NEK5: variants seen among roughly 807,000 people sequenced by gnomAD.
NEK5 encodes serine/threonine-protein kinase Nek5.
NEK5 carries 88 observed loss-of-function variants against 109.2 expected under a neutral mutation model. The ratio of observed to expected loss-of-function variants is 0.81; its 90% CI spans 0.68 to 0.96. The LOEUF is 0.96. Among genes scored for constraint, NEK5 ranks in the 40% least tolerant of loss-of-function variants. The pLI is 0.00. For synonymous variants in NEK5, 283 were observed against 299.9 expected (o/e 0.94, Z 0.58); for missense variants, 834 against 920.7 (o/e 0.91, Z 1.22).
In NEK5 at chr13:52,086,293, ATCT is replaced by A; in HGVS notation, c.1460_1462del (p.Lys487del). ...TGAATTTACCTCTGGTTCTCTCCCC[ATCT>A]TCTTTCTAATTTCTTTCATGTCATT... is the stretch of plus-strand genomic sequence containing the variant. On this transcript the variant is annotated inframe_deletion, in exon 16 of 24. Coordinates refer to ENST00000684899, the MANE Select transcript of NEK5 (RefSeq NM_001365552.1). The A allele has an allele frequency of 6.2e-7, 1 of 1,603,258 alleles. No homozygotes were observed. The highest frequency in any genetic ancestry group is 1.1e-5 in the South Asian group (1 of 90,864).
intron 9 of NEK5, among the ~76,000 whole-genome samples, chr13:52,103,943 C>G (rs1469963526): frequency 1.3e-5 from 2 of 152,102 alleles, no homozygotes; most frequent in Non-Finnish European, 2.9e-5. Flanking sequence ...CTGAACGTAT[C>G]TATTCATACA....
intron 7 of NEK5, among the ~76,000 whole-genome samples, chr13:52,109,626 C>T (rs1315958806): frequency 2.0e-5 from 3 of 152,116 alleles, no homozygotes; most frequent in Non-Finnish European, 2.9e-5. Context: ...GAAATATTTA[C>T]AATCTATTCT....
At chr13:52,040,924 T>G (rs1159657243) in intron 23 of NEK5, among the ~76,000 whole-genome samples, 4 of 152,202 alleles carry the variant, frequency 2.6e-5, no homozygotes, top group African/African-American at 9.7e-5. Context: ...GGAGAATTTT[T>G]CTTCCAGAGA....
intron 13 of NEK5, among the ~76,000 whole-genome samples, chr13:52,089,867 G>A (rs763817691): frequency 1.3e-5 from 2 of 151,906 alleles, no homozygotes; most frequent in Non-Finnish European, 2.9e-5. Flanking sequence ...TGTAATCCCA[G>A]CTACTGGGGA....
chr13:52,033,622 A>AAAC lies in NEK5; in HGVS notation c.*3323_*3325dup. 6.0e-6 allele frequency: 1 copy of AAAC among 165,790 alleles called. No homozygotes were observed. The highest frequency in any genetic ancestry group is 1.9e-4 in the East Asian group (1 of 5,200). The allele number at this position is 165,790 out of a possible 1,614,324, so 10.3% of individuals were successfully genotyped here. A position where few individuals can be genotyped will look rare whatever the true frequency, so the allele number is the denominator to read the frequency against. On this transcript the variant is annotated 3_prime_UTR_variant, in exon 24 of 24. Transcript: ENST00000684899. ...TTAAGAAGAGGCTGTCAGGTTTAATAAACTTTTTAATGAATATTTCAGACA... is the reference window on the plus strand; with the variant it reads ...TTAAGAAGAGGCTGTCAGGTTTAATAAACAACTTTTTAATGAATATTTCAGACA...
intron 3 of NEK5, among the ~76,000 whole-genome samples, chr13:52,121,874 A>C (rs1955976749): frequency 6.6e-6 from 1 of 152,132 alleles, no homozygotes; most frequent in South Asian, 2.1e-4. Context: ...AAACCAACCA[A>C]ACAATGTAAT....
intron 17 of NEK5, chr13:52,082,207 C>T (rs1016230158): frequency 6.7e-6 from 2 of 298,544 alleles, no homozygotes; most frequent in Non-Finnish European, 1.2e-5. Flanking sequence ...TCCAGCTACT[C>T]AGGAGGCTGA....
chr13:52,112,220 C>T, intron 5 of NEK5, 48 bp downstream of exon 5: 2 of 953,620 alleles, frequency 2.1e-6, no homozygotes, highest in Non-Finnish European at 3.4e-6. Context: ...TTTAATTCTC[C>T]CCCCACCACA....
At chr13:52,103,564 G>A (rs1955586704) in intron 9 of NEK5, among the ~76,000 whole-genome samples, 1 of 152,248 alleles carries the variant, frequency 6.6e-6, no homozygotes, top group Admixed American at 6.5e-5. Context: ...TGCTTACAAT[G>A]TTGGCCCGTG....
chr13:52,104,833 A>G (rs1344446971), intron 8 of NEK5, among the ~76,000 whole-genome samples: 1 of 152,212 alleles, frequency 6.6e-6, no homozygotes, highest in Admixed American at 6.5e-5. Flanking sequence ...AAAACAATGT[A>G]TGTATGATGA....
At chr13:52,084,209 C>T (rs1955071082) in intron 16 of NEK5, among the ~76,000 whole-genome samples, 1 of 152,050 alleles carries the variant, frequency 6.6e-6, no homozygotes, top group South Asian at 2.1e-4. Context: ...CTGCATATGC[C>T]AGAAAGAATA....
intron 22 of NEK5, among the ~76,000 whole-genome samples, chr13:52,051,679 G>A (rs1018373950): frequency 5.3e-5 from 8 of 152,128 alleles, no homozygotes; most frequent in Admixed American, 5.2e-4. Context: ...AATAAATCTC[G>A]GGACCGATTT....
At chr13:52,092,242 T>C (rs911682116) in intron 13 of NEK5, among the ~76,000 whole-genome samples, 1 of 152,210 alleles carries the variant, frequency 6.6e-6, no homozygotes, top group Non-Finnish European at 1.5e-5. Flanking sequence ...TACAAGACTT[T>C]GTTACTTCTG....
In NEK5 at chr13:52,066,113, T is replaced by C. The variant is rs528243684; in HGVS notation, c.1850-504A>G. Among the ~76,000 whole-genome samples, 4 of 152,294 alleles carry C rather than the reference T, an allele frequency of 2.6e-5. No individual in the cohort carries two copies. In the East Asian group the frequency reaches 7.7e-4, roughly 29 times the overall value. ...TTTGCTTTGTTTTGAAACAAAAAATTGGACCACATACTACATGTCCTCTCA... is the reference window on the plus strand; with the variant it reads ...TTTGCTTTGTTTTGAAACAAAAAATCGGACCACATACTACATGTCCTCTCA... On this transcript the variant is annotated intron_variant, in intron 20 of 23. Transcript: ENST00000684899.
At chr13:52,080,128 G>C (rs980166027) in intron 17 of NEK5, among the ~76,000 whole-genome samples, 3 of 151,022 alleles carry the variant, frequency 2.0e-5, no homozygotes, top group Non-Finnish European at 3.0e-5. Context: ...GGGAGGTGAG[G>C]AGCGTCTCCG....
chr13:52,055,230 A>G (rs1024727333), intron 22 of NEK5, among the ~76,000 whole-genome samples: 6 of 152,288 alleles, frequency 3.9e-5, no homozygotes, highest in South Asian at 2.1e-4. Flanking sequence ...GAAATGAAGC[A>G]AGAAGGGAAG....
chr13:52,045,423 CT>C (rs1236698919), intron 23 of NEK5, among the ~76,000 whole-genome samples: 2 of 150,732 alleles, frequency 1.3e-5, no homozygotes, highest in East Asian at 4.0e-4. Flanking sequence ...AATAAAAAAC[CT>C]TTTTAAGTAA....
rs753622360 is a variant in NEK5, at chr13:52,110,549, A to G, written c.341T>C (p.Leu114Pro). ...QILGWFVQIS[L>P]GLKHIHDRKI... ...CCTGTCATGAATATGTTTTAGTCCTAGAGAAATCTGTACAAACCAACCGAG... is the reference window on the plus strand; with the variant it reads ...CCTGTCATGAATATGTTTTAGTCCTGGAGAAATCTGTACAAACCAACCGAG... Residue 114 changes from leucine (L) to proline (P), a missense_variant, in exon 6 of 24, where the codon CTA becomes CCA. This residue lies in a region of NEK5 where 777 missense variants were observed against 824.7 expected (regional missense o/e 0.94). Transcript: ENST00000684899. 3 of 1,612,248 alleles carry G rather than the reference A, an allele frequency of 1.9e-6. No homozygotes were observed. The highest frequency in any genetic ancestry group is 2.5e-6 in the Non-Finnish European group (3 of 1,178,694).
rs142792226 is a variant in NEK5, at chr13:52,095,947, G to A, written c.1027-2712C>T. 3.4e-3 allele frequency among the ~76,000 whole-genome samples: 512 copies of A among 152,264 alleles called. 4 individuals are homozygous for A. Among genetic ancestry groups the A allele is most frequent in the Admixed American group, 6.9e-3 (105 of 15,298 alleles). On this transcript the variant is annotated intron_variant, in intron 12 of 23. Coordinates refer to ENST00000684899, the MANE Select transcript of NEK5 (RefSeq NM_001365552.1). Reference sequence around the variant, plus strand: ...GGAGACGAGGCCTGGTAAATGGATCGTTGGGGCAGATTCCCCCCTTGCTGT... The same window carrying A: ...GGAGACGAGGCCTGGTAAATGGATCATTGGGGCAGATTCCCCCCTTGCTGT...
Sources: gnomAD v4.1 joint callset for allele counts (sites outside exome capture counted in the v4.1 genomes callset) on GRCh38, gnomAD v4.1.1 for gene constraint, gnomAD v4.1.1 regional missense constraint, MANE v1.5 for transcripts, NCBI Gene and HGNC (gene_info 2026-07-23, HGNC 2026-07-21) for gene names.